Variants in ADD1 observed in about 807,000 individuals in gnomAD.
ADD1 encodes adducin 1, also known as alpha-adducin.
Under a neutral mutation model 80.5 loss-of-function variants are expected in ADD1, and 24 were observed. The ratio of observed to expected loss-of-function variants is 0.30; its 90% CI spans 0.22 to 0.42. The LOEUF (loss-of-function observed/expected upper bound fraction) is 0.42, where lower values mean the gene tolerates loss of function less well. Among genes scored for constraint, ADD1 ranks in the 10% least tolerant of loss-of-function variants. ADD1 has a pLI of 1.00. For synonymous variants in ADD1, 373 were observed against 393.8 expected (o/e 0.95, Z 0.63); for missense variants, 948 against 1,019.0 (o/e 0.93, Z 0.95).
intron 2 of ADD1, among the ~76,000 whole-genome samples, chr4:2,876,695 C>A (rs1731354921): frequency 6.6e-6 from 1 of 152,102 alleles, no homozygotes; most frequent in Non-Finnish European, 1.5e-5. Context: ...AAAAATTAGC[C>A]AGGCGTAGTG....
intron 14 of ADD1, among the ~76,000 whole-genome samples, chr4:2,923,979 G>A (rs1740541606): frequency 6.6e-6 from 1 of 151,992 alleles, no homozygotes; most frequent in Non-Finnish European, 1.5e-5. Flanking sequence ...TTGTGTGTAG[G>A]GCTTGGGGTT....
At chr4:2,911,780 C>T (rs974697349) in intron 13 of ADD1, among the ~76,000 whole-genome samples, 2 of 152,020 alleles carry the variant, frequency 1.3e-5, no homozygotes, top group Non-Finnish European at 2.9e-5. Flanking sequence ...TTTTGGCTGC[C>T]CTCTGGATTC....
intron 14 of ADD1, 23 bp from the exon 15 acceptor site, chr4:2,925,991 A>T: frequency 6.2e-7 from 1 of 1,609,908 alleles, no homozygotes; most frequent in Admixed American, 1.7e-5. Flanking sequence ...AGCTCCTACC[A>T]TATCCTTCTT....
chr4:2,875,824 T>G, intron 1 of ADD1, 72 bp from the exon 2 acceptor site: 2 of 1,233,702 alleles, frequency 1.6e-6, no homozygotes, highest in Non-Finnish European at 2.2e-6. Context: ...TTTACCAAGC[T>G]CATGTGCTCA....
intron 13 of ADD1, among the ~76,000 whole-genome samples, chr4:2,912,985 C>T (rs990408587): frequency 6.6e-6 from 1 of 152,172 alleles, no homozygotes; most frequent in African/African-American, 2.4e-5. Flanking sequence ...CCTGGGATTA[C>T]AGATGCCCAC....
At chr4:2,866,539 T>A (rs1467118252) in intron 1 of ADD1, among the ~76,000 whole-genome samples, 4 of 151,978 alleles carry the variant, frequency 2.6e-5, no homozygotes, top group Admixed American at 2.0e-4. Flanking sequence ...AAATTAGTAA[T>A]ACAGAATGAT....
At chr4:2,904,016 C>A (rs1736628374) in intron 9 of ADD1, among the ~76,000 whole-genome samples, 1 of 152,210 alleles carries the variant, frequency 6.6e-6, no homozygotes, top group South Asian at 2.1e-4. Flanking sequence ...ACCTTACTTA[C>A]CTAAAGATTA....
At chr4:2,870,428 A>G (rs760326860) in intron 1 of ADD1, among the ~76,000 whole-genome samples, 5 of 152,198 alleles carry the variant, frequency 3.3e-5, no homozygotes, top group East Asian at 1.9e-4. Context: ...ATTTTCTTCA[A>G]TGCCATTTAG....
chr4:2,928,889 A>C lies in ADD1; in HGVS notation c.*366A>C. 4.3e-6 allele frequency: 1 copy of C among 231,246 alleles called. No homozygotes were observed. The highest frequency in any genetic ancestry group is 1.3e-4 in the East Asian group (1 of 7,722). 14.3% of individuals were successfully genotyped at this position (231,246 alleles called of 1,614,324 possible). A position where few individuals can be genotyped will look rare whatever the true frequency, so the allele number is the denominator to read the frequency against. Reference sequence around the variant, plus strand: ...GTCCCTCCTGTTGTGAAATCACCACATTCTGTCTCTGCTTGGCTTCCCCTC... The same window carrying C: ...GTCCCTCCTGTTGTGAAATCACCACCTTCTGTCTCTGCTTGGCTTCCCCTC... On this transcript the variant is annotated 3_prime_UTR_variant, in exon 16 of 16. Coordinates refer to ENST00000683351, the MANE Select transcript of ADD1 (RefSeq NM_001354761.2).
intron 14 of ADD1, among the ~76,000 whole-genome samples, chr4:2,924,201 C>T (rs538807582): frequency 1.7e-4 from 26 of 152,296 alleles, no homozygotes; most frequent in African/African-American, 4.6e-4. Context: ...TACAAATAAG[C>T]GGCTCAAGTT....
At position 2,898,498 on chromosome 4, in the gene ADD1, C is replaced by T. The variant is rs1265320135; in HGVS notation, c.951C>T (p.Tyr317=). 1.9e-6 allele frequency: 3 copies of T among 1,614,088 alleles called. No individual in the cohort carries two copies. Among genetic ancestry groups the T allele is most frequent in the African/African-American group, 1.3e-5 (1 of 74,930 alleles). ...AGAGCGTTGAGGAGGCCTTCTATTA[C>T]ATCCATAACCTTGTGGTTGCCTGTG... The part of the protein sequence containing the change: ...VGESVEEAFY[Y]IHNLVVACEI... Residue 317 remains tyrosine, a synonymous_variant, in exon 8 of 16, where the codon TAC becomes TAT. Coordinates refer to ENST00000683351, the MANE Select transcript of ADD1 (RefSeq NM_001354761.2).
At position 2,866,865 on chromosome 4, in the gene ADD1, G is replaced by A. The variant is rs932026929; in HGVS notation, c.-20-9031G>A. 1.9e-4 allele frequency among the ~76,000 whole-genome samples: 29 copies of A among 152,132 alleles called. 1 individual carries two copies. Among genetic ancestry groups the A allele is most frequent in the Admixed American group, 1.5e-3 (23 of 15,284 alleles). ...GTGGGTGGATTGCTTGAGCCCAGGA[G>A]TTCAAGACCAGCCTGGGAAACTTGG... On this transcript the variant is annotated intron_variant, in intron 1 of 15. Transcript: ENST00000683351.
At chr4:2,867,788 TCCTGATTGTCAG>T (rs1729770117) in intron 1 of ADD1, 2 of 152,178 alleles carry the variant, frequency 1.3e-5, no homozygotes, top group South Asian at 4.1e-4. Flanking sequence ...TTTTGAGACA[TCCTGATTGTCAG>T]AGAGAATGTG....
chr4:2,852,138 T>TTTTTC (rs1553815105), intron 1 of ADD1, among the ~76,000 whole-genome samples: 1 of 97,666 alleles, frequency 1.0e-5, no homozygotes, highest in East Asian at 3.0e-4. Flanking sequence ...ACCCGGCCTC[T>TTTTTC]TTTCTTTCTT....
chr4:2,898,484 G>C lies in ADD1; in HGVS notation c.937G>C (p.Glu313Gln). ...CGTGTCAGTTGGAGAGAGCGTTGAG[G>C]AGGCCTTCTATTACATCCATAACCT... ...GLVSVGESVE[E>Q]AFYYIHNLVV... The change falls in exon 8 of 16, where the codon GAG (glutamate) becomes CAG (glutamine). Residue 313 changes from glutamate to glutamine, a missense_variant. Coordinates refer to ENST00000683351, the MANE Select transcript of ADD1 (RefSeq NM_001354761.2). 6.2e-7 allele frequency: 1 copy of C among 1,614,212 alleles called. No individual in the cohort carries two copies. The highest frequency in any genetic ancestry group is 2.2e-5 in the East Asian group (1 of 44,890).
In ADD1 at chr4:2,929,718, A is replaced by C. The variant is rs1039030121; in HGVS notation, c.*1195A>C. On this transcript the variant is annotated 3_prime_UTR_variant, in exon 16 of 16. Transcript: ENST00000683351. ...GATGGGCCGAGCCACCTCGGATCCC[A>C]CTGATTGGCCAGCCGAGCGAGAACC... 1 of 152,340 alleles carries C rather than the reference A, an allele frequency of 6.6e-6. No homozygotes were observed. Among genetic ancestry groups the C allele is most frequent in the Non-Finnish European group, 1.5e-5 (1 of 68,058 alleles). 9.4% of individuals were successfully genotyped at this position (152,340 alleles called of 1,614,324 possible).
In ADD1 at chr4:2,852,261, C is replaced by CT. The variant is rs1560139008; in HGVS notation, c.-21+8237_-21+8238insT. Among the ~76,000 whole-genome samples, 872 of 124,924 alleles carry CT rather than the reference C, an allele frequency of 7.0e-3. 12 individuals are homozygous for CT. The highest frequency in any genetic ancestry group is 0.013 in the African/African-American group (414 of 31,768). 82.0% of individuals were successfully genotyped at this position (124,924 alleles called of 152,430 possible). ...TTTCTTTCTTTCTCTTTCTTTCTTT[C>CT]CTTCCTTCCTTCCTTCCTTCTTTTC... On this transcript the variant is annotated intron_variant, in intron 1 of 15. Transcript: ENST00000683351.
At chr4:2,904,693 TG>T in intron 9 of ADD1, 70 bp from the exon 10 acceptor site, 4 of 1,417,776 alleles carry the variant, frequency 2.8e-6, no homozygotes, top group Non-Finnish European at 3.0e-6. Flanking sequence ...TGTTTCCACA[TG>T]ATTTTCCAAA....
chr4:2,846,910 G>A (rs968947664), intron 1 of ADD1, among the ~76,000 whole-genome samples: 1 of 151,810 alleles, frequency 6.6e-6, no homozygotes, highest in Non-Finnish European at 1.5e-5. Flanking sequence ...GAGGTCAGGA[G>A]ATCGAGACCA....
Sources: allele counts gnomAD v4.1 joint callset (sites outside exome capture counted in the v4.1 genomes callset), GRCh38; gene constraint gnomAD v4.1.1; transcripts MANE v1.5; gene names NCBI Gene and HGNC (gene_info 2026-07-23, HGNC 2026-07-21).